DGKB: variants seen among roughly 807,000 people sequenced by gnomAD.
DGKB encodes the protein diacylglycerol kinase beta, also known as 90 kDa diacylglycerol kinase.
A neutral mutation model predicts 114.3 loss-of-function variants in DGKB; 67 were observed. The ratio of observed to expected loss-of-function variants is 0.59; its 90% CI spans 0.48 to 0.72. The LOEUF is 0.72. Ranked by LOEUF, DGKB falls within the 30% of genes least tolerant of loss-of-function variation. The probability of loss-of-function intolerance (pLI) is 0.00; values close to 1 mark genes in which losing one functional copy is unlikely to be tolerated. For missense variants in DGKB, 907 were observed against 975.2 expected, an observed-to-expected ratio of 0.93 and a Z score of 0.93; for synonymous variants, 398 against 323.1, an observed-to-expected ratio of 1.23 and a Z score of -2.49.
intron 21 of DGKB, among the ~76,000 whole-genome samples, chr7:14,448,505 C>T (rs1209739236): frequency 2.0e-5 from 3 of 152,166 alleles, no homozygotes; most frequent in East Asian, 3.9e-4. Context: ...TAGTAAAGAC[C>T]TTGAATGTCT....
chr7:14,607,097 G>C (rs997320072), intron 17 of DGKB, among the ~76,000 whole-genome samples: 27 of 151,746 alleles, frequency 1.8e-4, no homozygotes, highest in African/African-American at 5.3e-4. Context: ...TACAATAAAA[G>C]AGAATCGTTC....
intron 1 of DGKB, among the ~76,000 whole-genome samples, chr7:14,916,452 A>T (rs1784244421): frequency 6.6e-6 from 1 of 152,122 alleles, no homozygotes; most frequent in South Asian, 2.1e-4. Context: ...AGGGATGGAG[A>T]AAGATAAACC....
At chr7:14,804,841 T>C (rs1842602082) in intron 2 of DGKB, among the ~76,000 whole-genome samples, 1 of 152,130 alleles carries the variant, frequency 6.6e-6, no homozygotes, top group African/African-American at 2.4e-5. Flanking sequence ...TTCTTAGATT[T>C]GTCTCTTTTC....
chr7:14,826,023 C>G (rs1586755724), intron 2 of DGKB, among the ~76,000 whole-genome samples: 1 of 152,260 alleles, frequency 6.6e-6, no homozygotes, highest in African/African-American at 2.4e-5. Context: ...AGCATTTCTC[C>G]TTACTGCTGC....
At position 14,513,393 on chromosome 7, in the gene DGKB, G is replaced by T. The variant is rs555972477; in HGVS notation, c.1771-35168C>A. On this transcript the variant is annotated intron_variant, in intron 20 of 25. Transcript: ENST00000402815. ...ACTTGCCTTTTCTGAGTGTAAATTT[G>T]TTGTGTATTTTGCACTTTCTCATCA... 7.2e-5 allele frequency among the ~76,000 whole-genome samples: 11 copies of T among 151,956 alleles called. No homozygotes were observed. In the East Asian group the frequency reaches 2.1e-3, roughly 29 times the overall value.
intron 20 of DGKB, among the ~76,000 whole-genome samples, chr7:14,508,585 T>A (rs73682412): frequency 0.023 from 3,520 of 152,278 alleles, 117 homozygotes; most frequent in African/African-American, 0.081. Flanking sequence ...TAAATGCTCC[T>A]TAGCAACTAC....
At chr7:14,161,408 C>G (rs1783865230) in intron 25 of DGKB, among the ~76,000 whole-genome samples, 1 of 152,126 alleles carries the variant, frequency 6.6e-6, no homozygotes, top group Non-Finnish European at 1.5e-5. Context: ...GACTTGGAAC[C>G]AACACACATG....
chr7:14,885,493 G>A (rs750818928), intron 1 of DGKB, among the ~76,000 whole-genome samples: 9 of 151,926 alleles, frequency 5.9e-5, no homozygotes, highest in East Asian at 1.9e-4. Flanking sequence ...GAAGAAACTC[G>A]TGAGGAGGGT....
At chr7:14,797,496 C>T (rs1028079182) in intron 2 of DGKB, among the ~76,000 whole-genome samples, 4 of 152,182 alleles carry the variant, frequency 2.6e-5, no homozygotes, top group Middle Eastern at 3.4e-3. Flanking sequence ...AGCTGTCTTT[C>T]GTGGAATATA....
At chr7:14,420,996 G>A (rs1316798794) in intron 21 of DGKB, among the ~76,000 whole-genome samples, 2 of 152,078 alleles carry the variant, frequency 1.3e-5, no homozygotes, top group East Asian at 3.9e-4. Context: ...AAGTACCTCT[G>A]ATTGGACGTG....
intron 19 of DGKB, among the ~76,000 whole-genome samples, chr7:14,577,371 A>G (rs1799283237): frequency 6.6e-6 from 1 of 152,184 alleles, no homozygotes; most frequent in Non-Finnish European, 1.5e-5. Context: ...TAATCCCAGC[A>G]CTTTGGGAGG....
At position 14,753,925 on chromosome 7, in the gene DGKB, T is replaced by A; in HGVS notation, c.168+3A>T. The A allele has an allele frequency of 2.0e-6, 3 of 1,503,324 alleles. No homozygotes were observed. Among genetic ancestry groups the A allele is most frequent in the Non-Finnish European group, 9.1e-7 (1 of 1,098,882 alleles). 93.1% of individuals were successfully genotyped at this position (1,503,324 alleles called of 1,614,324 possible). A position where few individuals can be genotyped will look rare whatever the true frequency, so the allele number is the denominator to read the frequency against. On this transcript the variant is annotated splice_donor_region_variant and intron_variant, in intron 4 of 25. Coordinates refer to ENST00000402815, the MANE Select transcript of DGKB (RefSeq NM_001350709.2). ...GACTTTAATAGAAAAGAAAATGTCT[T>A]ACTTGGTTAAGAATGTCTTGTTTCT...
chr7:14,655,248 G>A (rs6955899), intron 13 of DGKB, among the ~76,000 whole-genome samples: 116,930 of 151,670 alleles, frequency 0.77, 45,295 homozygotes, highest in African/African-American at 0.83. Flanking sequence ...ACATTTCTCA[G>A]AAGAAGAAAT....
intron 13 of DGKB, among the ~76,000 whole-genome samples, chr7:14,633,382 G>T (rs956001366): frequency 6.6e-6 from 1 of 151,786 alleles, no homozygotes; most frequent in South Asian, 2.1e-4. Flanking sequence ...CCTTCTGAGA[G>T]CAACACTAGA....
Position 14,800,501 on chromosome 7 carries a change from CT to C in DGKB, c.70+40692del, listed in dbSNP as rs1160800749. ...CTTGATCTTTCTCCCGTGCTGGATG[CT>C]TTCTGCCCTCAGACATCAGGCTCCA... On this transcript the variant is annotated intron_variant, in intron 2 of 25. Transcript: ENST00000402815. Among the ~76,000 whole-genome samples the C allele has an allele frequency of 2.0e-5, 3 of 152,336 alleles. No individual in the cohort carries two copies. In the East Asian group the frequency reaches 5.8e-4, roughly 29 times the overall value.
At chr7:14,301,398 A>T (rs953692128) in intron 23 of DGKB, among the ~76,000 whole-genome samples, 1 of 152,090 alleles carries the variant, frequency 6.6e-6, no homozygotes, top group Non-Finnish European at 1.5e-5. Context: ...TTCTACTTAG[A>T]AGAAAAACCA....
At chr7:14,385,861 C>T (rs1357483885) in intron 21 of DGKB, among the ~76,000 whole-genome samples, 1 of 152,166 alleles carries the variant, frequency 6.6e-6, no homozygotes, top group Non-Finnish European at 1.5e-5. Context: ...AAGACAGCTG[C>T]AATAACGGTG....
At chr7:14,551,347 T>A (rs181041331) in intron 20 of DGKB, among the ~76,000 whole-genome samples, 9 of 152,338 alleles carry the variant, frequency 5.9e-5, no homozygotes, top group South Asian at 4.1e-4. Context: ...TTCATTTTCA[T>A]GTTGGCTTTC....
At chr7:14,887,830 T>A (rs1373770037) in intron 1 of DGKB, among the ~76,000 whole-genome samples, 1 of 151,756 alleles carries the variant, frequency 6.6e-6, no homozygotes, top group Admixed American at 6.6e-5. Flanking sequence ...TAAAACTGCA[T>A]TTCCGATGTC....
Sources: allele counts gnomAD v4.1 joint callset (sites outside exome capture counted in the v4.1 genomes callset), GRCh38; gene constraint gnomAD v4.1.1; transcripts MANE v1.5; gene names NCBI Gene and HGNC (gene_info 2026-07-23, HGNC 2026-07-21).